RDX: variants seen among roughly 807,000 people sequenced by gnomAD.
RDX encodes the protein radixin, also known as deafness, autosomal recessive 24.
In RDX, 32 loss-of-function variants were observed where a neutral mutation model predicts 83.7. The observed-to-expected ratio is 0.38, with a 90% CI of 0.29 to 0.51. RDX has a LOEUF of 0.51. Among genes scored for constraint, RDX ranks in the 20% least tolerant of loss-of-function variants. The pLI is 0.87. For synonymous variants in RDX, 229 were observed against 222.7 expected, an observed-to-expected ratio of 1.03 and a Z score of -0.25; for missense variants, 600 against 689.9, an observed-to-expected ratio of 0.87 and a Z score of 1.46.
At chr11:110,227,545 G>C (rs1303434611), downstream of RDX, among the ~76,000 whole-genome samples, 1 of 151,918 alleles carries the variant, frequency 6.6e-6, no homozygotes, top group Non-Finnish European at 1.5e-5. Flanking sequence ...GAGGAATCTG[G>C]GCATACAAAT....
intron 14 of RDX, among the ~76,000 whole-genome samples, chr11:110,204,252 T>A (rs1863521107): frequency 6.6e-6 from 1 of 150,414 alleles, no homozygotes. Flanking sequence ...GTTCCTTAAT[T>A]TAAGGTCAGC....
chr11:110,271,588 T>C (rs1189297556), intron 3 of RDX, among the ~76,000 whole-genome samples: 1 of 152,220 alleles, frequency 6.6e-6, no homozygotes, highest in Non-Finnish European at 1.5e-5. Flanking sequence ...AAAATACTGA[T>C]AATTTAGAGT....
intron 14 of RDX, among the ~76,000 whole-genome samples, chr11:110,202,729 T>G (rs1863459843): frequency 6.8e-6 from 1 of 147,276 alleles, no homozygotes; most frequent in African/African-American, 2.5e-5. Flanking sequence ...CAGCCAACAG[T>G]TTTTTTTTTA....
intron 10 of RDX, among the ~76,000 whole-genome samples, chr11:110,240,731 C>A (rs1433358152): frequency 9.7e-5 from 10 of 103,014 alleles, no homozygotes; most frequent in African/African-American, 1.6e-4. Flanking sequence ...GGCGACAGAG[C>A]AAGACTCCGT....
intron 4 of RDX, among the ~76,000 whole-genome samples, 172 bp downstream of exon 4, chr11:110,264,607 A>T (rs1377634894): frequency 1.5e-4 from 22 of 145,550 alleles, no homozygotes; most frequent in Non-Finnish European, 2.3e-4. Context: ...TTTTTTTTTG[A>T]GATGATAAGC....
chr11:110,217,923 T>G (rs944437754), intron 14 of RDX, among the ~76,000 whole-genome samples: 2 of 152,236 alleles, frequency 1.3e-5, no homozygotes, highest in Non-Finnish European at 2.9e-5. Flanking sequence ...TTTAAATTAT[T>G]TATGATGATG....
At chr11:110,236,780 C>T (rs1864869516) in intron 11 of RDX, 1 of 153,330 alleles carries the variant, frequency 6.5e-6, no homozygotes, top group African/African-American at 2.4e-5. Flanking sequence ...ACCACTGTGC[C>T]TGGCTAATTT....
intron 14 of RDX, among the ~76,000 whole-genome samples, chr11:110,202,889 G>A (rs1565288806): frequency 6.6e-6 from 1 of 152,100 alleles, no homozygotes; most frequent in Non-Finnish European, 1.5e-5. Context: ...AATAACAAAT[G>A]CTGGTGAGGA....
Position 110,258,142 on chromosome 11 carries a change from A to G in RDX, c.515T>C (p.Ile172Thr). 6.2e-7 allele frequency: 1 copy of G among 1,611,330 alleles called. No individual in the cohort carries two copies. The highest frequency in any genetic ancestry group is 8.5e-7 in the Non-Finnish European group (1 of 1,178,646). The change falls in exon 6 of 14, where the codon ATA becomes ACA. Residue 172 changes from isoleucine (I) to threonine (T), a missense_variant. Transcript: ENST00000645495. ...KLTKEQWEER[I>T]QNWHEEHRGM... ...TCTATGTTCTTCATGCCAGTTCTGT[A>G]TTCTTTCTTCCCACTGTTCTTTTGT...
chr11:110,293,040 C>T (rs896453285), intron 1 of RDX, among the ~76,000 whole-genome samples: 4 of 152,150 alleles, frequency 2.6e-5, no homozygotes, highest in African/African-American at 9.7e-5. Flanking sequence ...TGAGAATTAG[C>T]GTAGGGAATT....
chr11:110,279,491 G>A (rs1259337328), intron 2 of RDX, among the ~76,000 whole-genome samples, 190 bp downstream of exon 2: 3 of 152,122 alleles, frequency 2.0e-5, no homozygotes, highest in Non-Finnish European at 2.9e-5. Context: ...GTCCCACTGC[G>A]CTCCAGCCTG....
rs1035156590 is a variant in RDX, at chr11:110,229,670, GTTC to G, written c.*2196_*2198del. 67 of 152,544 alleles carry G rather than the reference GTTC, an allele frequency of 4.4e-4. No individual in the cohort carries two copies. Among genetic ancestry groups the G allele is most frequent in the African/African-American group, 1.4e-3 (58 of 41,532 alleles). The allele number at this position is 152,544 out of a possible 1,614,324, so 9.4% of individuals were successfully genotyped here. On this transcript the variant is annotated 3_prime_UTR_variant, in exon 14 of 14. Coordinates refer to ENST00000645495, the MANE Select transcript of RDX (RefSeq NM_002906.4). ...CTCTAAGAAATCCATATTGCAAATG[GTTC>G]TTGTTTAGAAAAATTCACACAGCCT...
intron 1 of RDX, among the ~76,000 whole-genome samples, chr11:110,287,715 C>A (rs1861043808): frequency 1.3e-5 from 2 of 152,172 alleles, no homozygotes; most frequent in Admixed American, 1.3e-4. Flanking sequence ...AATGCTCACT[C>A]TCCACTCTGC....
chr11:110,213,066 T>G (rs1483265581), intron 14 of RDX, among the ~76,000 whole-genome samples: 1 of 151,336 alleles, frequency 6.6e-6, no homozygotes. Context: ...GCAGACAACA[T>G]GATTGTATAT....
At chr11:110,210,442 C>A (rs1007630334) in intron 14 of RDX, among the ~76,000 whole-genome samples, 1 of 142,158 alleles carries the variant, frequency 7.0e-6, no homozygotes, top group South Asian at 2.3e-4. Context: ...AGAACTTCCC[C>A]AATCTAGCAA....
In RDX at chr11:110,237,547, G is replaced by T. The variant is rs1864909129; in HGVS notation, c.1196C>A (p.Ala399Glu). ...LEKERRAAEEAKSAIAKQAAD... is the reference protein window; with the variant it reads ...LEKERRAAEEEKSAIAKQAAD... ...AGCTTGTTTTGCTATGGCAGACTTT[G>T]CCTCTTCAGCAGCTCGACGCTCCTT... The change falls in exon 11 of 14, where the codon GCA (alanine) becomes GAA (glutamate). Residue 399 changes from alanine to glutamate, a missense_variant. Ala to Glu is a moderately radical substitution (Grantham distance 107, BLOSUM62 -1). Coordinates refer to ENST00000645495, the MANE Select transcript of RDX (RefSeq NM_002906.4). 2 of 1,613,358 alleles carry T rather than the reference G, an allele frequency of 1.2e-6. No individual in the cohort carries two copies. The highest frequency in any genetic ancestry group is 1.3e-5 in the African/African-American group (1 of 74,856).
chr11:110,226,433 TAG>T (rs1253857787), downstream of RDX, among the ~76,000 whole-genome samples: 2 of 152,130 alleles, frequency 1.3e-5, no homozygotes, highest in African/African-American at 4.8e-5. Flanking sequence ...ATCAAATTTA[TAG>T]AGACAGAAAG....
chr11:110,281,441 T>A (rs1860757782), intron 1 of RDX, among the ~76,000 whole-genome samples: 1 of 152,036 alleles, frequency 6.6e-6, no homozygotes, highest in South Asian at 2.1e-4. Flanking sequence ...GCGATTCTCC[T>A]GCTTCAGCCT....
At chr11:110,188,349 G>A (rs1055246655) in intron 15 of RDX, among the ~76,000 whole-genome samples, 1 of 144,692 alleles carries the variant, frequency 6.9e-6, no homozygotes, top group African/African-American at 2.6e-5. Flanking sequence ...AATAATAATG[G>A]CATTCGCAGC....
Sources: gnomAD v4.1 joint callset for allele counts (sites outside exome capture counted in the v4.1 genomes callset) on GRCh38, gnomAD v4.1.1 for gene constraint, MANE v1.5 for transcripts, NCBI Gene and HGNC (gene_info 2026-07-23, HGNC 2026-07-21) for gene names.